LRRIQ1: variants seen among roughly 807,000 people sequenced by gnomAD.
The protein encoded by LRRIQ1 is leucine-rich repeat- and IQ domain-containing protein 1.
A neutral mutation model predicts 211.9 loss-of-function variants in LRRIQ1; 210 were observed. That is an observed-to-expected ratio of 0.99 (90% CI 0.89 to 1.11). The LOEUF (loss-of-function observed/expected upper bound fraction) is 1.11. LRRIQ1 is among the 50% of genes most tolerant of loss of function. The probability of loss-of-function intolerance (pLI) is 0.00; values close to 1 mark genes in which losing one functional copy is unlikely to be tolerated. For missense variants in LRRIQ1, 2,136 were observed against 1,939.5 expected, an observed-to-expected ratio of 1.10 and a Z score of -1.90; for synonymous variants, 699 against 650.1, an observed-to-expected ratio of 1.08 and a Z score of -1.14.
intron 25 of LRRIQ1, among the ~76,000 whole-genome samples, chr12:85,230,787 C>T (rs942470513): frequency 2.6e-5 from 4 of 152,160 alleles, no homozygotes; most frequent in African/African-American, 9.7e-5. Flanking sequence ...CGGTGGCTCA[C>T]GCCTGTAATC....
chr12:85,136,269 A>G (rs1889126136), intron 18 of LRRIQ1, among the ~76,000 whole-genome samples: 1 of 151,970 alleles, frequency 6.6e-6, no homozygotes, highest in Non-Finnish European at 1.5e-5. Context: ...ATGCTAATGA[A>G]GGAGTCAGCC....
At chr12:85,169,329 T>C (rs536833219) in intron 24 of LRRIQ1, among the ~76,000 whole-genome samples, 149 of 152,192 alleles carry the variant, frequency 9.8e-4, no homozygotes, top group African/African-American at 3.4e-3. Context: ...CTAAATAAAA[T>C]TGAAATGTAA....
chr12:85,152,986 T>A (rs1475937432), intron 20 of LRRIQ1, 38 bp from the exon 21 acceptor site: 2 of 1,453,808 alleles, frequency 1.4e-6, no homozygotes, highest in African/African-American at 2.9e-5. Flanking sequence ...TAGGATTTTT[T>A]ATTTTACTTC....
chr12:85,065,541 GA>G lies in LRRIQ1; in HGVS notation c.2544+128del, dbSNP rs60922899. 4.7e-3 allele frequency: 3,231 copies of G among 685,438 alleles called. 80 individuals carry two copies. In the African/African-American group the frequency reaches 0.056, roughly 12 times the overall value. 42.5% of individuals were successfully genotyped at this position (685,438 alleles called of 1,614,324 possible). On this transcript the variant is annotated intron_variant, in intron 9 of 26. Coordinates refer to ENST00000393217, the MANE Select transcript of LRRIQ1 (RefSeq NM_001079910.2). ...TAACCTGTAACTCAGAGCCTGAAGA[GA>G]TCAGGTGGTATGGTAAAGTTTTGAG...
chr12:85,057,305 G>A, intron 8 of LRRIQ1, 121 bp downstream of exon 8: 1 of 854,108 alleles, frequency 1.2e-6, no homozygotes, highest in Non-Finnish European at 1.7e-6. Context: ...GTTTAATAAA[G>A]TTATGAATGA....
intron 1 of LRRIQ1, among the ~76,000 whole-genome samples, chr12:85,262,619 A>G (rs1454363735): frequency 6.6e-6 from 1 of 152,090 alleles, no homozygotes; most frequent in Non-Finnish European, 1.5e-5. Flanking sequence ...AAGATTTATC[A>G]TTTTATAGTT....
At chr12:85,186,804 A>C (rs1351414520) in intron 24 of LRRIQ1, among the ~76,000 whole-genome samples, 5 of 151,992 alleles carry the variant, frequency 3.3e-5, no homozygotes, top group African/African-American at 1.2e-4. Context: ...TGCCTCAGAG[A>C]AGTGCACACC....
At chr12:85,146,457 G>A (rs984621433) in intron 19 of LRRIQ1, among the ~76,000 whole-genome samples, 2 of 151,768 alleles carry the variant, frequency 1.3e-5, no homozygotes, top group African/African-American at 4.8e-5. Context: ...CTTGGAAGGG[G>A]ATGGCAGGTC....
At chr12:85,085,393 C>G (rs1306990665) in intron 11 of LRRIQ1, among the ~76,000 whole-genome samples, 1 of 152,190 alleles carries the variant, frequency 6.6e-6, no homozygotes, top group Non-Finnish European at 1.5e-5. Flanking sequence ...ACTTGGGTCT[C>G]TCCCTCAGCA....
At chr12:85,105,914 A>T (rs1886750160) in intron 14 of LRRIQ1, among the ~76,000 whole-genome samples, 1 of 149,752 alleles carries the variant, frequency 6.7e-6, no homozygotes, top group East Asian at 2.0e-4. Flanking sequence ...CTCCTGCCTC[A>T]GCTTCCCAAG....
chr12:85,105,090 CTA>C (rs1339313450), intron 14 of LRRIQ1, among the ~76,000 whole-genome samples: 3 of 152,000 alleles, frequency 2.0e-5, no homozygotes, highest in South Asian at 4.1e-4. Flanking sequence ...GGAAATGTGA[CTA>C]TTTTTATTTT....
At chr12:85,268,314 C>T (rs140665347), downstream of LRRIQ1, among the ~76,000 whole-genome samples, 3 of 151,928 alleles carry the variant, frequency 2.0e-5, no homozygotes, top group African/African-American at 7.2e-5. Context: ...TTTCTAATAG[C>T]ATGTTAACTT....
intron 14 of LRRIQ1, among the ~76,000 whole-genome samples, chr12:85,106,073 G>C (rs1886762420): frequency 6.6e-6 from 1 of 152,112 alleles, no homozygotes; most frequent in African/African-American, 2.4e-5. Flanking sequence ...TGGGATTACA[G>C]GTGTGAGCCA....
chr12:85,153,593 G>A (rs1347224354), intron 21 of LRRIQ1, 70 bp from the exon 22 acceptor site: 2 of 941,218 alleles, frequency 2.1e-6, no homozygotes, highest in East Asian at 5.6e-5. Flanking sequence ...AACATAAACA[G>A]TTTGTAGTTT....
chr12:85,052,209 TA>T lies in LRRIQ1; in HGVS notation c.714del (p.Glu239LysfsTer42). On this transcript the variant is annotated frameshift_variant, in exon 7 of 27. Coordinates refer to ENST00000393217, the MANE Select transcript of LRRIQ1 (RefSeq NM_001079910.2). LOFTEE classifies it high-confidence loss of function. ...EQDKMNDELY[K>X]EEKIWKEKFK... ...AGGACAAGATGAATGATGAACTCTA[TA>T]AAGAAGAGAAAATTTGGAAAGAGAA... 1 of 1,563,012 alleles carries T rather than the reference TA, an allele frequency of 6.4e-7. No individual in the cohort carries two copies. Among genetic ancestry groups the T allele is most frequent in the East Asian group, 2.3e-5 (1 of 43,544 alleles).
intron 11 of LRRIQ1, among the ~76,000 whole-genome samples, chr12:85,079,960 A>C (rs1884095577): frequency 1.3e-5 from 2 of 152,042 alleles, no homozygotes; most frequent in Non-Finnish European, 1.5e-5. Context: ...TTTCATCTAC[A>C]ATGTTCCTTC....
downstream of LRRIQ1, among the ~76,000 whole-genome samples, chr12:85,267,075 G>A (rs147851639): frequency 1.3e-5 from 2 of 152,148 alleles, no homozygotes; most frequent in East Asian, 1.9e-4. Flanking sequence ...ATGAGTAAAT[G>A]TAAAACTATT....
At chr12:85,255,839 A>G (rs1896074371) in intron 1 of LRRIQ1, among the ~76,000 whole-genome samples, 1 of 151,614 alleles carries the variant, frequency 6.6e-6, no homozygotes, top group Admixed American at 6.6e-5. Flanking sequence ...TAACACTTAA[A>G]CCCTTAAAAT....
At chr12:85,072,520 T>C (rs984280463) in intron 10 of LRRIQ1, among the ~76,000 whole-genome samples, 1 of 151,114 alleles carries the variant, frequency 6.6e-6, no homozygotes, top group African/African-American at 2.4e-5. Context: ...TTGCTTGTTA[T>C]TGATTTGTCG....
Sources: gnomAD v4.1 joint callset for allele counts (sites outside exome capture counted in the v4.1 genomes callset) on GRCh38, gnomAD v4.1.1 for gene constraint, MANE v1.5 for transcripts, NCBI Gene and HGNC (gene_info 2026-07-23, HGNC 2026-07-21) for gene names.